TFDP2: variants seen among roughly 807,000 people sequenced by gnomAD.
TFDP2 encodes transcription factor Dp-2.
A neutral mutation model predicts 59.3 loss-of-function variants in TFDP2; 17 were observed. That is an observed-to-expected ratio of 0.29 (90% CI 0.20 to 0.43). The LOEUF (loss-of-function observed/expected upper bound fraction) is 0.43, where lower values mean the gene tolerates loss of function less well. Among genes scored for constraint, TFDP2 ranks in the 20% least tolerant of loss-of-function variants. TFDP2 has a pLI of 1.00. For missense variants in TFDP2, 391 were observed against 528.8 expected, an observed-to-expected ratio of 0.74 and a Z score of 2.56; for synonymous variants, 180 against 194.7, an observed-to-expected ratio of 0.92 and a Z score of 0.63.
chr3:142,005,499 G>C lies in TFDP2; in HGVS notation c.128C>G (p.Pro43Arg), dbSNP rs751204163. Residue 43 changes from proline to arginine, a missense_variant, in exon 4 of 13, where the codon CCT (proline) becomes CGT (arginine). Around this residue, in one of 3 missense-constraint regions of TFDP2, gnomAD observed 162 missense variants for 206.8 expected, o/e 0.78. Transcript: ENST00000489671. Reference sequence around the variant, plus strand: ...TAAGGTTTTTGGTAAAATCTTTGTAGGTGAGTTGGTATTGGAAACTGGAAA... The same window carrying C: ...TAAGGTTTTTGGTAAAATCTTTGTACGTGAGTTGGTATTGGAAACTGGAAA... ...VAFPVSNTNSPTKILPKTLGP... is the reference protein window; with the variant it reads ...VAFPVSNTNSRTKILPKTLGP... 3 of 1,609,704 alleles carry C rather than the reference G, an allele frequency of 1.9e-6. No individual in the cohort carries two copies. The African/African-American group carries it at 4.0e-5, about 22-fold the overall frequency.
In TFDP2 at chr3:141,993,183, G is replaced by A. The variant is rs35527432; in HGVS notation, c.356+355C>T. On this transcript the variant is annotated intron_variant, in intron 6 of 12. Coordinates refer to ENST00000489671, the MANE Select transcript of TFDP2 (RefSeq NM_001178139.2). ...CCACTGCACTCCAGCCTGGGTGACA[G>A]AGCAAGACTTCATCTCAAAAAAAAG... Among the ~76,000 whole-genome samples the A allele has an allele frequency of 4.4e-3, 616 of 141,268 alleles. 4 individuals are homozygous for A. Among genetic ancestry groups the A allele is most frequent in the Non-Finnish European group, 3.9e-3 (259 of 66,546 alleles). The allele number at this position is 141,268 out of a possible 152,430, so 92.7% of individuals were successfully genotyped here. A position where few individuals can be genotyped will look rare whatever the true frequency, so the allele number is the denominator to read the frequency against.
rs115480405 is a variant in TFDP2 at position 142,097,180 on chromosome 3, A to G, written c.16-4053T>C. Among the ~76,000 whole-genome samples, 592 of 152,336 alleles carry G rather than the reference A, an allele frequency of 3.9e-3. 6 individuals are homozygous for G. The highest frequency in any genetic ancestry group is 0.014 in the African/African-American group (568 of 41,576). On this transcript the variant is annotated intron_variant, in intron 2 of 12. Coordinates refer to ENST00000489671, the MANE Select transcript of TFDP2 (RefSeq NM_001178139.2). Reference sequence around the variant, plus strand: ...AGAAATGTCACTTTCATATACCACAAGTATATATATAAATCTGTGCAATCT... The same window carrying G: ...AGAAATGTCACTTTCATATACCACAGGTATATATATAAATCTGTGCAATCT...
chr3:142,047,752 T>C (rs1033584388), intron 3 of TFDP2, among the ~76,000 whole-genome samples: 2 of 151,228 alleles, frequency 1.3e-5, no homozygotes, highest in Non-Finnish European at 2.9e-5. Flanking sequence ...TTTTTTTTTT[T>C]TTGAGATGGA....
intron 8 of TFDP2, among the ~76,000 whole-genome samples, chr3:141,970,418 A>G (rs891731966): frequency 6.6e-6 from 1 of 152,200 alleles, no homozygotes; most frequent in Non-Finnish European, 1.5e-5. Context: ...TCAAGTTCTA[A>G]TCAAAGTAAT....
chr3:142,085,497 AT>A lies in TFDP2; in HGVS notation c.82+7563del, dbSNP rs144691647. ...CTTATTTTTAAGCTGCACATAAAAA[AT>A]AATAAAAGAAAATACATTGTTTTAA... On this transcript the variant is annotated intron_variant, in intron 3 of 12. Coordinates refer to ENST00000489671, the MANE Select transcript of TFDP2 (RefSeq NM_001178139.2). Among the ~76,000 whole-genome samples the A allele has an allele frequency of 2.2e-3, 340 of 152,290 alleles. 1 individual carries two copies. The highest frequency in any genetic ancestry group is 7.5e-3 in the African/African-American group (310 of 41,556).
At chr3:142,033,613 C>G (rs752608596) in intron 3 of TFDP2, among the ~76,000 whole-genome samples, 10 of 152,146 alleles carry the variant, frequency 6.6e-5, no homozygotes, top group Non-Finnish European at 1.5e-4. Flanking sequence ...AAATAGTTCA[C>G]TAAAGCCCCC....
intron 1 of TFDP2, among the ~76,000 whole-genome samples, chr3:142,144,205 C>G (rs1201458177): frequency 6.6e-6 from 1 of 152,100 alleles, no homozygotes; most frequent in African/African-American, 2.4e-5. Flanking sequence ...AAAACCCTGT[C>G]TCTATTAAAA....
At chr3:141,994,951 A>G in intron 5 of TFDP2, 69 bp downstream of exon 5, 1 of 1,368,070 alleles carries the variant, frequency 7.3e-7, no homozygotes, top group Non-Finnish European at 9.7e-7. Flanking sequence ...AACAGAAGAC[A>G]AGATAGTAAG....
At chr3:142,117,252 T>C (rs2061881027) in intron 1 of TFDP2, among the ~76,000 whole-genome samples, 3 of 152,110 alleles carry the variant, frequency 2.0e-5, no homozygotes, top group African/African-American at 7.2e-5. Context: ...TCCAGGTTTG[T>C]AGAACAATGG....
At position 141,952,969 on chromosome 3, in the gene TFDP2, A is replaced by T; in HGVS notation, c.1099T>A (p.Ser367Thr). The T allele has an allele frequency of 6.2e-7, 1 of 1,614,186 alleles. No individual in the cohort carries two copies. Among genetic ancestry groups the T allele is most frequent in the Non-Finnish European group, 8.5e-7 (1 of 1,180,022 alleles). The change falls in exon 12 of 13, where the codon TCT becomes ACT. Residue 367 changes from serine (S) to threonine (T), a missense_variant. This residue lies in a region of TFDP2 where 223 missense variants were observed against 292.5 expected (regional missense o/e 0.76). Coordinates refer to ENST00000489671, the MANE Select transcript of TFDP2 (RefSeq NM_001178139.2). ...SWLNQGLLLN[S>T]TQSVSNLDLT... ...TCTAAATTTGAAACTGATTGGGTAG[A>T]GTTCAGAAGTAGTCCCTGATTTAAC... is the stretch of plus-strand genomic sequence containing the variant.
intron 3 of TFDP2, among the ~76,000 whole-genome samples, chr3:142,072,674 C>T (rs982208915): frequency 6.6e-6 from 1 of 152,100 alleles, no homozygotes; most frequent in African/African-American, 2.4e-5. Context: ...GTCCAAGGGA[C>T]ACGGAAACCA....
rs140882019 is a variant in TFDP2 at position 141,966,468 on chromosome 3, G to A, written c.733-2505C>T. Among the ~76,000 whole-genome samples, 10 of 151,822 alleles carry A rather than the reference G, an allele frequency of 6.6e-5. No individual in the cohort carries two copies. In the East Asian group the frequency reaches 1.9e-3, roughly 29 times the overall value. ...TTACAGACATGAGCCACTGCACCTGGTCATAATAATGTTTTTTTTAACACT... is the reference window on the plus strand; with the variant it reads ...TTACAGACATGAGCCACTGCACCTGATCATAATAATGTTTTTTTTAACACT... On this transcript the variant is annotated intron_variant, in intron 9 of 12. Transcript: ENST00000489671.
chr3:142,042,630 C>CTTTTTTT (rs66981475), intron 3 of TFDP2, among the ~76,000 whole-genome samples: 25 of 108,180 alleles, frequency 2.3e-4, no homozygotes, highest in East Asian at 5.5e-4. Flanking sequence ...CTTTTCTTTT[C>CTTTTTTT]TTTTTTTTTT....
At position 142,144,202 on chromosome 3, in the gene TFDP2, T is replaced by C. The variant is rs533826525; in HGVS notation, c.-93+4981A>G. 2.6e-5 allele frequency among the ~76,000 whole-genome samples: 4 copies of C among 151,366 alleles called. No individual in the cohort carries two copies. The South Asian group carries it at 8.3e-4, about 31-fold the overall frequency. On this transcript the variant is annotated intron_variant, in intron 1 of 12. Coordinates refer to ENST00000489671, the MANE Select transcript of TFDP2 (RefSeq NM_001178139.2). ...CATCCTGGCCAAAATGGCAAAACCC[T>C]GTCTCTATTAAAAATACAAAAATTA...
At chr3:142,076,841 A>T (rs2060475377) in intron 3 of TFDP2, among the ~76,000 whole-genome samples, 1 of 152,114 alleles carries the variant, frequency 6.6e-6, no homozygotes, top group African/African-American at 2.4e-5. Context: ...AGGAACACCA[A>T]ATTTAACAAC....
intron 3 of TFDP2, among the ~76,000 whole-genome samples, chr3:142,068,417 T>C (rs930894506): frequency 1.3e-5 from 2 of 152,054 alleles, no homozygotes; most frequent in African/African-American, 4.8e-5. Flanking sequence ...GAAAGAAAAA[T>C]TCATGTTGAA....
intron 1 of TFDP2, chr3:142,145,494 A>G (rs2063136803): frequency 6.6e-6 from 1 of 152,216 alleles, no homozygotes; most frequent in African/African-American, 2.4e-5. Flanking sequence ...GGAACAAATC[A>G]GAGATTAGCA....
intron 9 of TFDP2, among the ~76,000 whole-genome samples, chr3:141,968,497 G>GATATATATAACATATATATCTC (rs1559938138): frequency 1.2e-5 from 1 of 86,478 alleles, no homozygotes; most frequent in African/African-American, 5.3e-5. Flanking sequence ...CTCATATATA[G>GATATATATAACATATATATCTC]ATATATATAA....
At chr3:142,041,800 A>G (rs567743063) in intron 3 of TFDP2, among the ~76,000 whole-genome samples, 3 of 152,350 alleles carry the variant, frequency 2.0e-5, no homozygotes, top group African/African-American at 4.8e-5. Context: ...TATATTTTAC[A>G]TTAGGTCTAT....
Sources: allele counts gnomAD v4.1 joint callset (sites outside exome capture counted in the v4.1 genomes callset), GRCh38; gene constraint gnomAD v4.1.1; regional missense constraint gnomAD v4.1.1; transcripts MANE v1.5; gene names NCBI Gene and HGNC (gene_info 2026-07-23, HGNC 2026-07-21).